Variants in FBXO4 observed in about 807,000 individuals in gnomAD.
FBXO4 encodes F-box only protein 4.
FBXO4 carries 36 observed loss-of-function variants against 43.7 expected under a neutral mutation model. That is an observed-to-expected ratio of 0.82 (90% CI 0.63 to 1.09). The LOEUF is 1.09. Ranked by LOEUF, FBXO4 falls within the 50% of genes least tolerant of loss-of-function variation. The probability of loss-of-function intolerance (pLI) is 0.00; values close to 1 mark genes in which losing one functional copy is unlikely to be tolerated. For synonymous variants in FBXO4, 180 were observed against 165.6 expected (o/e 1.09, Z -0.67); for missense variants, 435 against 474.1 (o/e 0.92, Z 0.77).
At chr5:41,973,657 G>A in the FBXO4 span, among the ~76,000 whole-genome samples, 1 of 152,180 alleles carries the variant, frequency 6.6e-6, no homozygotes, top group South Asian at 2.1e-4. Flanking sequence ...CTCCAGCCTG[G>A]GTGAGACAGC....
At chr5:42,023,697 T>C in the FBXO4 span, among the ~76,000 whole-genome samples, 1 of 151,896 alleles carries the variant, frequency 6.6e-6, no homozygotes, top group African/African-American at 2.4e-5. Flanking sequence ...TGGAGAATCA[T>C]AGCACACCCT....
the FBXO4 span, among the ~76,000 whole-genome samples, chr5:42,038,292 G>A: frequency 6.6e-6 from 1 of 152,148 alleles, no homozygotes; most frequent in African/African-American, 2.4e-5. Context: ...AGCAGTTATG[G>A]ATAGATTTGC....
the FBXO4 span, among the ~76,000 whole-genome samples, chr5:41,952,784 A>G: frequency 6.6e-6 from 1 of 151,982 alleles, no homozygotes; most frequent in Non-Finnish European, 1.5e-5. Context: ...TGAGTTTACT[A>G]TTCTTTTCTT....
At chr5:41,958,488 A>G in the FBXO4 span, among the ~76,000 whole-genome samples, 6 of 152,212 alleles carry the variant, frequency 3.9e-5, no homozygotes, top group African/African-American at 1.4e-4. Context: ...TGAGTACAAT[A>G]GAGCTCTTGA....
At chr5:42,022,427 A>C in the FBXO4 span, among the ~76,000 whole-genome samples, 11 of 152,272 alleles carry the variant, frequency 7.2e-5, no homozygotes, top group Non-Finnish European at 1.6e-4. Context: ...GTTGTTATAC[A>C]TCATTCTGCT....
chr5:42,018,421 T>C, the FBXO4 span, among the ~76,000 whole-genome samples: 3 of 152,070 alleles, frequency 2.0e-5, no homozygotes, highest in East Asian at 1.9e-4. Flanking sequence ...TTCAGCATTG[T>C]ACTTAGGGAA....
the FBXO4 span, among the ~76,000 whole-genome samples, chr5:41,985,182 T>C: frequency 2.0e-5 from 3 of 152,222 alleles, no homozygotes; most frequent in East Asian, 5.8e-4. Flanking sequence ...ATTATCCTAC[T>C]AAATATTCTA....
chr5:42,038,238 C>G, the FBXO4 span, among the ~76,000 whole-genome samples: 5 of 151,958 alleles, frequency 3.3e-5, no homozygotes, highest in Non-Finnish European at 7.4e-5. Context: ...CTGTTCACCA[C>G]GAAGCAAGAC....
chr5:41,938,212 A>G (rs1184025924), intron 5 of FBXO4, among the ~76,000 whole-genome samples: 1 of 152,240 alleles, frequency 6.6e-6, no homozygotes, highest in Non-Finnish European at 1.5e-5. Context: ...TATGTGATAT[A>G]GAACACATCA....
At chr5:41,942,978 T>A (rs1249195297), downstream of FBXO4, among the ~76,000 whole-genome samples, 1 of 152,164 alleles carries the variant, frequency 6.6e-6, no homozygotes, top group Non-Finnish European at 1.5e-5. Context: ...CTAGCCTTTA[T>A]GACAGCTGTG....
At chr5:41,987,248 T>C in the FBXO4 span, among the ~76,000 whole-genome samples, 1 of 152,168 alleles carries the variant, frequency 6.6e-6, no homozygotes. Context: ...ATAATAAATA[T>C]TAATTTCATT....
At chr5:41,957,051 A>G in the FBXO4 span, among the ~76,000 whole-genome samples, 2 of 151,846 alleles carry the variant, frequency 1.3e-5, no homozygotes, top group Non-Finnish European at 2.9e-5. Flanking sequence ...TGATTTCTAT[A>G]TTGTAGGGCT....
rs768937992 is a variant in FBXO4, at chr5:41,934,141, GAGAT to G, written c.735_738del (p.Asp245GlufsTer30). Reference sequence around the variant, plus strand: ...TACAATTTTTTTTCTAGAAAGGAAAGAGATAGAGCAAGGGAAGAGCATACAAGTG... The same window carrying G: ...TACAATTTTTTTTCTAGAAAGGAAAGAGAGCAAGGGAAGAGCATACAAGTG... On this transcript the variant is annotated frameshift_variant, in exon 5 of 7. Coordinates refer to ENST00000281623, the MANE Select transcript of FBXO4 (RefSeq NM_012176.3). LOFTEE classifies it high-confidence loss of function. The G allele has an allele frequency of 6.2e-7, 1 of 1,613,902 alleles. No individual in the cohort carries two copies. The highest frequency in any genetic ancestry group is 1.1e-5 in the South Asian group (1 of 91,072).
At chr5:41,947,127 T>C in the FBXO4 span, among the ~76,000 whole-genome samples, 1 of 152,198 alleles carries the variant, frequency 6.6e-6, no homozygotes, top group Non-Finnish European at 1.5e-5. Flanking sequence ...TGAAATCTTA[T>C]TGTGTAAGAC....
the FBXO4 span, among the ~76,000 whole-genome samples, chr5:41,953,136 T>C: frequency 1.3e-5 from 2 of 151,876 alleles, no homozygotes; most frequent in Non-Finnish European, 2.9e-5. Context: ...CCTAATGCTA[T>C]CCCTCCCCCG....
At chr5:41,968,671 C>CT in the FBXO4 span, among the ~76,000 whole-genome samples, 3 of 152,010 alleles carry the variant, frequency 2.0e-5, no homozygotes, top group Non-Finnish European at 4.4e-5. Context: ...GATTAAACAC[C>CT]TTTTTTTAAA....
chr5:41,962,369 C>T, the FBXO4 span, among the ~76,000 whole-genome samples: 25 of 152,134 alleles, frequency 1.6e-4, no homozygotes, highest in Non-Finnish European at 2.8e-4. Flanking sequence ...GCCTTAGCTT[C>T]CACCAAAATC....
chr5:41,960,486 T>A, the FBXO4 span, among the ~76,000 whole-genome samples: 1 of 152,190 alleles, frequency 6.6e-6, no homozygotes, highest in Non-Finnish European at 1.5e-5. Context: ...AGCTGTGGGC[T>A]TCTCATATAT....
chr5:42,006,534 TC>T, the FBXO4 span, among the ~76,000 whole-genome samples: 1 of 152,038 alleles, frequency 6.6e-6, no homozygotes, highest in Non-Finnish European at 1.5e-5. Context: ...TAAGTAAATT[TC>T]CTTTAAAAGT....
Sources: gnomAD v4.1 joint callset for allele counts (sites outside exome capture counted in the v4.1 genomes callset) on GRCh38, gnomAD v4.1.1 for gene constraint, MANE v1.5 for transcripts, NCBI Gene and HGNC (gene_info 2026-07-23, HGNC 2026-07-21) for gene names.